Variants in NUCKS1 observed in about 807,000 individuals in gnomAD.
NUCKS1 encodes the protein nuclear ubiquitous casein and cyclin-dependent kinase substrate 1.
NUCKS1 carries 2 observed loss-of-function variants against 33.0 expected under a neutral mutation model. The ratio of observed to expected loss-of-function variants is 0.06; its 90% CI spans 0.02 to 0.19. The LOEUF is 0.19. NUCKS1 is among the 10% of genes least tolerant of loss of function. NUCKS1 has a pLI of 1.00. For synonymous variants in NUCKS1, 106 were observed against 102.8 expected (o/e 1.03, Z -0.19); for missense variants, 201 against 293.6 (o/e 0.68, Z 2.31).
At chr1:205,724,040 C>T in intron 3 of NUCKS1, 59 bp from the exon 4 acceptor site, 1 of 1,197,236 alleles carries the variant, frequency 8.4e-7, no homozygotes, top group Non-Finnish European at 1.3e-6. Context: ...TCTAAGTGAA[C>T]ATAGATCTCT....
intron 1 of NUCKS1, among the ~76,000 whole-genome samples, chr1:205,740,405 G>A (rs1247989543): frequency 6.6e-6 from 1 of 151,942 alleles, no homozygotes; most frequent in Admixed American, 6.6e-5. Context: ...GATTGCTTGA[G>A]TCCCAGGAGT....
Position 205,714,302 on chromosome 1 carries a change from A to T in NUCKS1, c.*3978T>A, listed in dbSNP as rs1424714930. ...AATCCCAATTTTACCCTCCCCCAAT[A>T]ATCTAGAAAACCCTCCCTTCACCCC... is the stretch of plus-strand genomic sequence containing the variant. On this transcript the variant is annotated 3_prime_UTR_variant, in exon 7 of 7. Coordinates refer to ENST00000367142, the MANE Select transcript of NUCKS1 (RefSeq NM_022731.5). 2 of 152,114 alleles carry T rather than the reference A, an allele frequency of 1.3e-5. No homozygotes were observed. Among genetic ancestry groups the T allele is most frequent in the African/African-American group, 2.4e-5 (1 of 41,412 alleles). The allele number at this position is 152,114 out of a possible 1,614,324, so 9.4% of individuals were successfully genotyped here. A position where few individuals can be genotyped will look rare whatever the true frequency, so the allele number is the denominator to read the frequency against.
At position 205,717,371 on chromosome 1, in the gene NUCKS1, T is replaced by C; in HGVS notation, c.*909A>G. On this transcript the variant is annotated 3_prime_UTR_variant, in exon 7 of 7. Coordinates refer to ENST00000367142, the MANE Select transcript of NUCKS1 (RefSeq NM_022731.5). ...AAGAAATCCACTGTGACCTGTAGAC[T>C]GATCTTGTTGATTAAATTCTAGGGT... The C allele has an allele frequency of 1.0e-6, 1 of 986,024 alleles. No individual in the cohort carries two copies. Among genetic ancestry groups the C allele is most frequent in the Non-Finnish European group, 1.2e-6 (1 of 829,206 alleles). The allele number at this position is 986,024 out of a possible 1,614,324, so 61.1% of individuals were successfully genotyped here.
intron 4 of NUCKS1, 34 bp from the exon 5 acceptor site, chr1:205,720,687 A>G (rs753699611): frequency 1.3e-6 from 2 of 1,561,868 alleles, no homozygotes; most frequent in South Asian, 2.3e-5. Context: ...TATAATGATT[A>G]AAGAATTTTA....
rs991814101 is a variant in NUCKS1 at position 205,742,475 on chromosome 1, A to G, written c.17+7482T>C. Among the ~76,000 whole-genome samples, 16 of 152,310 alleles carry G rather than the reference A, an allele frequency of 1.1e-4. No homozygotes were observed. The East Asian group carries it at 2.1e-3, about 20-fold the overall frequency. On this transcript the variant is annotated intron_variant, in intron 1 of 6. Coordinates refer to ENST00000367142, the MANE Select transcript of NUCKS1 (RefSeq NM_022731.5). ...TCTAGACAGCAATAATTTTTTCCCAACAAAATAAAGGGGCGCCCAGTTTGA... is the reference window on the plus strand; with the variant it reads ...TCTAGACAGCAATAATTTTTTCCCAGCAAAATAAAGGGGCGCCCAGTTTGA...
intron 1 of NUCKS1, among the ~76,000 whole-genome samples, chr1:205,745,347 G>T (rs1040434662): frequency 1.3e-5 from 2 of 152,008 alleles, no homozygotes; most frequent in Middle Eastern, 3.2e-3. Context: ...AAATTAGCCA[G>T]GCGTGGTGGG....
chr1:205,732,426 C>T (rs573136547), intron 1 of NUCKS1, among the ~76,000 whole-genome samples: 2 of 152,074 alleles, frequency 1.3e-5, no homozygotes, highest in African/African-American at 4.8e-5. Flanking sequence ...TTCAGTTTTG[C>T]AAGATTAAGA....
At position 205,715,501 on chromosome 1, in the gene NUCKS1, C is replaced by A. The variant is rs1671806929; in HGVS notation, c.*2779G>T. 1 of 152,136 alleles carries A rather than the reference C, an allele frequency of 6.6e-6. No individual in the cohort carries two copies. Among genetic ancestry groups the A allele is most frequent in the Non-Finnish European group, 1.5e-5 (1 of 68,032 alleles). The allele number at this position is 152,136 out of a possible 1,614,324, so 9.4% of individuals were successfully genotyped here. On this transcript the variant is annotated 3_prime_UTR_variant, in exon 7 of 7. Coordinates refer to ENST00000367142, the MANE Select transcript of NUCKS1 (RefSeq NM_022731.5). ...ATCCTCTGGGCCCACTCCATTGATT[C>A]CGATCTGAGGTGAGGAGGACTAAAA... is the stretch of plus-strand genomic sequence containing the variant.
At chr1:205,740,601 C>A (rs1487602518) in intron 1 of NUCKS1, among the ~76,000 whole-genome samples, 4 of 151,744 alleles carry the variant, frequency 2.6e-5, no homozygotes, top group Non-Finnish European at 5.9e-5. Context: ...CAGATTGAGA[C>A]CCCATCTCAA....
At position 205,717,599 on chromosome 1, in the gene NUCKS1, A is replaced by G. The variant is rs1671845749; in HGVS notation, c.*681T>C. ...AGTGATGAAATAAAAAAGAAAGCCC[A>G]TACCCTCAAATAAGGTCAGGTAACC... On this transcript the variant is annotated 3_prime_UTR_variant, in exon 7 of 7. Coordinates refer to ENST00000367142, the MANE Select transcript of NUCKS1 (RefSeq NM_022731.5). 1.6e-5 allele frequency: 16 copies of G among 985,324 alleles called. No homozygotes were observed. The highest frequency in any genetic ancestry group is 1.9e-5 in the Non-Finnish European group (16 of 830,012). The allele number at this position is 985,324 out of a possible 1,614,324, so 61.0% of individuals were successfully genotyped here. A position where few individuals can be genotyped will look rare whatever the true frequency, so the allele number is the denominator to read the frequency against.
chr1:205,736,726 G>C (rs555393898), intron 1 of NUCKS1, among the ~76,000 whole-genome samples: 20 of 152,096 alleles, frequency 1.3e-4, no homozygotes, highest in Middle Eastern at 3.4e-3. Flanking sequence ...AGGTACTTGG[G>C]AGGTTGAGGC....
chr1:205,741,809 G>C (rs1157728852), intron 1 of NUCKS1, among the ~76,000 whole-genome samples: 2 of 152,092 alleles, frequency 1.3e-5, no homozygotes, highest in Non-Finnish European at 2.9e-5. Context: ...AAGAAGTTAG[G>C]GTAGATGCAG....
chr1:205,747,440 C>A, intron 1 of NUCKS1, among the ~76,000 whole-genome samples: 1 of 152,204 alleles, frequency 6.6e-6, no homozygotes, highest in East Asian at 1.9e-4. Context: ...TTAAACATAA[C>A]GTGCTAGACA....
At chr1:205,743,961 G>A (rs748191160) in intron 1 of NUCKS1, among the ~76,000 whole-genome samples, 4 of 152,062 alleles carry the variant, frequency 2.6e-5, no homozygotes, top group East Asian at 1.9e-4. Flanking sequence ...AAGGGGAAAC[G>A]CCCTCATATT....
chr1:205,736,643 G>A (rs1380351227), intron 1 of NUCKS1, among the ~76,000 whole-genome samples: 1 of 151,830 alleles, frequency 6.6e-6, no homozygotes, highest in Non-Finnish European at 1.5e-5. Flanking sequence ...GGCCAACATG[G>A]CAAAACTCCA....
chr1:205,731,629 C>T (rs1331139802), intron 1 of NUCKS1, among the ~76,000 whole-genome samples: 7 of 152,118 alleles, frequency 4.6e-5, no homozygotes, highest in South Asian at 2.1e-4. Flanking sequence ...CAGTGGCTCA[C>T]GCCTATAATT....
At chr1:205,728,767 C>T (rs1449480478) in intron 2 of NUCKS1, among the ~76,000 whole-genome samples, 22 of 152,142 alleles carry the variant, frequency 1.4e-4, no homozygotes. Flanking sequence ...CCTCTTATGG[C>T]TAAGACTTAG....
intron 1 of NUCKS1, among the ~76,000 whole-genome samples, chr1:205,736,688 C>T (rs984651169): frequency 6.6e-6 from 1 of 151,842 alleles, no homozygotes; most frequent in Non-Finnish European, 1.5e-5. Flanking sequence ...AAAATTAGCC[C>T]GGCGTGGTTG....
chr1:205,748,054 C>T (rs977727227), intron 1 of NUCKS1, among the ~76,000 whole-genome samples: 1 of 149,040 alleles, frequency 6.7e-6, no homozygotes, highest in Non-Finnish European at 1.5e-5. Flanking sequence ...GGGAAATAAA[C>T]AAGGTCAAAA....
Sources: gnomAD v4.1 joint callset for allele counts (sites outside exome capture counted in the v4.1 genomes callset) on GRCh38, gnomAD v4.1.1 for gene constraint, MANE v1.5 for transcripts, NCBI Gene and HGNC (gene_info 2026-07-23, HGNC 2026-07-21) for gene names.